The following ZFPM2 variants were observed in gnomAD, a reference collection of about 807,000 sequenced individuals.
The protein encoded by ZFPM2 is zinc finger protein, FOG family member 2.
In ZFPM2, 20 loss-of-function variants were observed where a neutral mutation model predicts 98.6. The observed-to-expected ratio is 0.20, with a 90% confidence interval of 0.14 to 0.29. ZFPM2 has a LOEUF of 0.29. ZFPM2 is among the 10% of genes least tolerant of loss of function. The pLI, the probability that ZFPM2 is intolerant of heterozygous loss-of-function variation, is 1.00. For missense variants in ZFPM2, 1,310 were observed against 1,388.6 expected (o/e 0.94, Z 0.90); for synonymous variants, 518 against 502.7 (o/e 1.03, Z -0.41).
intron 4 of ZFPM2, among the ~76,000 whole-genome samples, chr8:105,575,328 C>G (rs552559076): frequency 6.6e-6 from 1 of 152,136 alleles, no homozygotes; most frequent in African/African-American, 2.4e-5. Context: ...CGTTGTATCA[C>G]CCCCCTCCCT....
At chr8:105,730,726 C>T (rs996255258) in intron 5 of ZFPM2, among the ~76,000 whole-genome samples, 1 of 150,612 alleles carries the variant, frequency 6.6e-6, no homozygotes, top group Non-Finnish European at 1.5e-5. Context: ...TAGAAGAAAA[C>T]ACCTCGTTCT....
At chr8:105,662,514 G>A (rs759914231) in intron 5 of ZFPM2, 3 of 151,636 alleles carry the variant, frequency 2.0e-5, no homozygotes, top group Non-Finnish European at 4.4e-5. Context: ...AGCTCTGGCA[G>A]TCCTTTTTTT....
At chr8:105,425,349 GA>G (rs1383058379) in intron 2 of ZFPM2, among the ~76,000 whole-genome samples, 1 of 152,140 alleles carries the variant, frequency 6.6e-6, no homozygotes, top group Non-Finnish European at 1.5e-5. Flanking sequence ...GCTGTCAGGG[GA>G]TACAGATAAC....
At chr8:105,398,032 G>T (rs929281012) in intron 1 of ZFPM2, among the ~76,000 whole-genome samples, 1 of 151,990 alleles carries the variant, frequency 6.6e-6, no homozygotes, top group Non-Finnish European at 1.5e-5. Context: ...AAAAGTATCC[G>T]CAGGTCAATT....
Position 105,802,337 on chromosome 8 carries a change from G to T in ZFPM2, c.2255G>T (p.Arg752Met), listed in dbSNP as rs746632894. 2 of 1,613,736 alleles carry T rather than the reference G, an allele frequency of 1.2e-6. No homozygotes were observed. The highest frequency in any genetic ancestry group is 2.2e-5 in the South Asian group (2 of 91,052). Residue 752 changes from arginine to methionine, a missense_variant, in exon 8 of 8, where the codon AGG becomes ATG. Coordinates refer to ENST00000407775, the MANE Select transcript of ZFPM2 (RefSeq NM_012082.4). The stretch of plus-strand genomic sequence containing the variant: ...ATGTGCCTACCTGAGCAGGAACAAA[G>T]GCCTCCACTGGTTCAGCAGAGATTT... ...YEMCLPEQEQRPPLVQQRFLD... is the reference protein window; with the variant it reads ...YEMCLPEQEQMPPLVQQRFLD...
intron 3 of ZFPM2, among the ~76,000 whole-genome samples, chr8:105,498,367 A>G (rs1391502839): frequency 6.6e-6 from 1 of 152,162 alleles, no homozygotes; most frequent in African/African-American, 2.4e-5. Flanking sequence ...ATTCTTTTTT[A>G]ATTAATTTAT....
At chr8:105,332,268 T>C (rs1404365402) in intron 1 of ZFPM2, among the ~76,000 whole-genome samples, 1 of 151,740 alleles carries the variant, frequency 6.6e-6, no homozygotes, top group Non-Finnish European at 1.5e-5. Flanking sequence ...TTTGTTAGAT[T>C]ATTTACTTGT....
At chr8:105,679,343 T>A (rs943345252) in intron 5 of ZFPM2, among the ~76,000 whole-genome samples, 19 of 152,282 alleles carry the variant, frequency 1.2e-4, no homozygotes, top group Admixed American at 5.2e-4. Context: ...GGAGTTCATG[T>A]CATTTCTCAT....
At chr8:105,414,495 A>G (rs1811639685) in intron 1 of ZFPM2, among the ~76,000 whole-genome samples, 1 of 151,964 alleles carries the variant, frequency 6.6e-6, no homozygotes, top group Non-Finnish European at 1.5e-5. Flanking sequence ...ATTTGACTTA[A>G]TATTTACTAT....
chr8:105,338,360 G>A (rs1450055079), intron 1 of ZFPM2, among the ~76,000 whole-genome samples: 8 of 151,734 alleles, frequency 5.3e-5, no homozygotes, highest in Non-Finnish European at 1.2e-4. Flanking sequence ...AAGACAGCAA[G>A]TATGAACAAT....
intron 6 of ZFPM2, among the ~76,000 whole-genome samples, chr8:105,789,861 T>G (rs1343720300): frequency 2.0e-5 from 3 of 150,380 alleles, no homozygotes; most frequent in Admixed American, 6.6e-5. Context: ...TTTCATGTGT[T>G]TTTTGGCTGC....
intron 1 of ZFPM2, among the ~76,000 whole-genome samples, chr8:105,333,490 A>G (rs1320556004): frequency 6.6e-6 from 1 of 151,722 alleles, no homozygotes; most frequent in African/African-American, 2.4e-5. Context: ...ACTAGCAAGA[A>G]GGCAAAGTAA....
intron 1 of ZFPM2, among the ~76,000 whole-genome samples, chr8:105,398,231 G>T (rs111726833): frequency 6.6e-6 from 1 of 151,958 alleles, no homozygotes; most frequent in East Asian, 1.9e-4. Flanking sequence ...GACTACATAA[G>T]GATCATATTG....
intron 4 of ZFPM2, among the ~76,000 whole-genome samples, chr8:105,614,284 C>G (rs1816368465): frequency 6.6e-6 from 1 of 152,016 alleles, no homozygotes; most frequent in Non-Finnish European, 1.5e-5. Context: ...ATGTTTTCAG[C>G]TACCCTATTG....
chr8:105,550,433 G>T (rs887508483), intron 3 of ZFPM2, among the ~76,000 whole-genome samples: 3 of 152,076 alleles, frequency 2.0e-5, no homozygotes, highest in African/African-American at 7.2e-5. Flanking sequence ...TTGGAGTCCT[G>T]GTATCACTAC....
intron 5 of ZFPM2, among the ~76,000 whole-genome samples, chr8:105,775,409 T>C (rs1813082406): frequency 6.6e-6 from 1 of 151,844 alleles, no homozygotes; most frequent in African/African-American, 2.4e-5. Flanking sequence ...AATGAAAGTG[T>C]GGAATGCAAT....
intron 3 of ZFPM2, among the ~76,000 whole-genome samples, chr8:105,485,787 AT>A (rs1407531574): frequency 6.6e-6 from 1 of 152,168 alleles, no homozygotes; most frequent in Non-Finnish European, 1.5e-5. Flanking sequence ...TAGAACTTTG[AT>A]AGTTAAGGAA....
chr8:105,635,280 C>T (rs1312524842), intron 5 of ZFPM2, among the ~76,000 whole-genome samples: 1 of 151,972 alleles, frequency 6.6e-6, no homozygotes, highest in African/African-American at 2.4e-5. Flanking sequence ...AATAAGCACC[C>T]CATCAATATA....
At chr8:105,601,570 TAGAG>T (rs1816092753) in intron 4 of ZFPM2, among the ~76,000 whole-genome samples, 5 of 152,138 alleles carry the variant, frequency 3.3e-5, no homozygotes, top group Non-Finnish European at 7.4e-5. Flanking sequence ...CTTCTAAAAG[TAGAG>T]ATAACAGTAT....
Sources: gnomAD v4.1 joint callset for allele counts (sites outside exome capture counted in the v4.1 genomes callset) on GRCh38, gnomAD v4.1.1 for gene constraint, MANE v1.5 for transcripts, NCBI Gene and HGNC (gene_info 2026-07-23, HGNC 2026-07-21) for gene names.